Variants in HS6ST3 observed in about 807,000 individuals in gnomAD.
HS6ST3 encodes the protein heparan sulfate 6-O-sulfotransferase 3, also known as heparan-sulfate 6-O-sulfotransferase 3.
HS6ST3 carries 12 observed loss-of-function variants against 36.7 expected under a neutral mutation model. That is an observed-to-expected ratio of 0.33 (90% confidence interval 0.21 to 0.53). The LOEUF (loss-of-function observed/expected upper bound fraction) is 0.53. HS6ST3 is among the 20% of genes least tolerant of loss of function. The probability of loss-of-function intolerance (pLI) is 0.95; values close to 1 mark genes in which losing one functional copy is unlikely to be tolerated. For synonymous variants in HS6ST3, 240 were observed against 257.5 expected (o/e 0.93, Z 0.65); for missense variants, 584 against 640.9 (o/e 0.91, Z 0.96).
At chr13:96,537,678 T>C (rs1272323476) in intron 1 of HS6ST3, among the ~76,000 whole-genome samples, 4 of 152,234 alleles carry the variant, frequency 2.6e-5, no homozygotes, top group African/African-American at 7.2e-5. Flanking sequence ...TATTCTCAGT[T>C]AAATGTTAAA....
intron 1 of HS6ST3, among the ~76,000 whole-genome samples, chr13:96,762,793 T>A (rs1156596449): frequency 6.6e-6 from 1 of 152,232 alleles, no homozygotes; most frequent in African/African-American, 2.4e-5. Flanking sequence ...GTCACTGACT[T>A]TAGATAATTA....
intron 1 of HS6ST3, among the ~76,000 whole-genome samples, chr13:96,142,707 T>C (rs1374025454): frequency 6.6e-6 from 1 of 152,152 alleles, no homozygotes; most frequent in Non-Finnish European, 1.5e-5. Flanking sequence ...TTTAGAAATG[T>C]GGTAAACATA....
intron 1 of HS6ST3, among the ~76,000 whole-genome samples, chr13:96,151,613 A>T (rs899392767): frequency 6.6e-6 from 1 of 152,226 alleles, no homozygotes; most frequent in African/African-American, 2.4e-5. Context: ...ACAAAGTGCT[A>T]CACATTGGGT....
At chr13:96,247,958 A>G (rs967210390) in intron 1 of HS6ST3, among the ~76,000 whole-genome samples, 3 of 152,298 alleles carry the variant, frequency 2.0e-5, no homozygotes, top group South Asian at 2.1e-4. Context: ...TGTCAACTCT[A>G]TAACAGTAAT....
At chr13:96,607,928 C>T (rs1180743302) in intron 1 of HS6ST3, among the ~76,000 whole-genome samples, 1 of 152,112 alleles carries the variant, frequency 6.6e-6, no homozygotes, top group Non-Finnish European at 1.5e-5. Flanking sequence ...ACTGAAAAAG[C>T]CCAGAAACTC....
At chr13:96,408,525 G>A (rs961277832) in intron 1 of HS6ST3, among the ~76,000 whole-genome samples, 21 of 152,160 alleles carry the variant, frequency 1.4e-4, no homozygotes, top group African/African-American at 4.1e-4. Context: ...GTGTTTGCCA[G>A]GAATACAAAG....
At chr13:96,138,436 GTTTATAAA>G (rs2054013616) in intron 1 of HS6ST3, among the ~76,000 whole-genome samples, 2 of 115,598 alleles carry the variant, frequency 1.7e-5, no homozygotes, top group Non-Finnish European at 3.7e-5. Flanking sequence ...TATATTTACA[GTTTATAAA>G]TATATAGTTT....
In HS6ST3 at chr13:96,121,427, T is replaced by G. The variant is rs2053924916; in HGVS notation, c.707+29858T>G. Among the ~76,000 whole-genome samples, 2 of 152,214 alleles carry G rather than the reference T, an allele frequency of 1.3e-5. 1 individual carries two copies. Among genetic ancestry groups the G allele is most frequent in the South Asian group, 4.1e-4 (2 of 4,836 alleles). ...CGCTATCTGCAGAAGAGGCATACAC[T>G]TATTGCTATTATTCATTTACAACAT... On this transcript the variant is annotated intron_variant, in intron 1 of 1. Transcript: ENST00000376705.
At chr13:96,503,944 C>CT (rs2056015794) in intron 1 of HS6ST3, among the ~76,000 whole-genome samples, 2 of 152,046 alleles carry the variant, frequency 1.3e-5, no homozygotes, top group African/African-American at 4.8e-5. Flanking sequence ...AGATAGTTGC[C>CT]TTTTTGTTGT....
chr13:96,367,224 T>C (rs1783554681), intron 1 of HS6ST3, among the ~76,000 whole-genome samples: 2 of 152,228 alleles, frequency 1.3e-5, no homozygotes, highest in South Asian at 4.1e-4. Flanking sequence ...GGAAAGCTGA[T>C]ATAAGACACA....
intron 1 of HS6ST3, among the ~76,000 whole-genome samples, chr13:96,595,660 T>G (rs144038934): frequency 6.6e-6 from 1 of 152,110 alleles, no homozygotes; most frequent in African/African-American, 2.4e-5. Flanking sequence ...TCTTACATTC[T>G]TATGACTTGA....
intron 1 of HS6ST3, among the ~76,000 whole-genome samples, chr13:96,374,039 C>G (rs895826094): frequency 2.0e-5 from 3 of 152,066 alleles, no homozygotes; most frequent in African/African-American, 7.2e-5. Context: ...GTTTCTTGCC[C>G]CCAAAGCGAT....
intron 1 of HS6ST3, among the ~76,000 whole-genome samples, chr13:96,381,394 G>GTATCTATCTATCTATC (rs1263272767): frequency 2.5e-4 from 13 of 52,440 alleles, no homozygotes; most frequent in African/African-American, 6.4e-4. Context: ...ATGTATCTAT[G>GTATCTATCTATCTATC]TATCTATGTA....
intron 1 of HS6ST3, among the ~76,000 whole-genome samples, chr13:96,812,055 G>A (rs1878326362): frequency 6.6e-6 from 1 of 151,830 alleles, no homozygotes; most frequent in Non-Finnish European, 1.5e-5. Context: ...TCCTATTCAA[G>A]GTCACCTTTG....
chr13:96,770,671 G>A (rs535846857), intron 1 of HS6ST3, among the ~76,000 whole-genome samples: 72 of 152,332 alleles, frequency 4.7e-4, no homozygotes, highest in African/African-American at 1.5e-3. Flanking sequence ...ATTAGAGATT[G>A]ACTAATTATT....
intron 1 of HS6ST3, among the ~76,000 whole-genome samples, chr13:96,336,523 G>A (rs564931710): frequency 2.8e-4 from 43 of 152,264 alleles, no homozygotes; most frequent in Middle Eastern, 3.4e-3. Context: ...GTCCATATTA[G>A]AGGAGGTGAT....
chr13:96,458,083 G>T (rs1185874666), intron 1 of HS6ST3, among the ~76,000 whole-genome samples: 1 of 152,058 alleles, frequency 6.6e-6, no homozygotes, highest in Non-Finnish European at 1.5e-5. Context: ...CTACTAACCT[G>T]TAGTATCTTT....
chr13:96,520,754 G>T (rs889625444), intron 1 of HS6ST3, among the ~76,000 whole-genome samples: 1 of 152,162 alleles, frequency 6.6e-6, no homozygotes, highest in Non-Finnish European at 1.5e-5. Context: ...GGGCTGAGAC[G>T]ATGGGGTTTT....
At chr13:96,143,563 G>T (rs893513318) in intron 1 of HS6ST3, among the ~76,000 whole-genome samples, 1 of 151,588 alleles carries the variant, frequency 6.6e-6, no homozygotes, top group Non-Finnish European at 1.5e-5. Context: ...TTAAAGTGAG[G>T]AGATGTCTAA....
Sources: gnomAD v4.1 joint callset for allele counts (sites outside exome capture counted in the v4.1 genomes callset) on GRCh38, gnomAD v4.1.1 for gene constraint, MANE v1.5 for transcripts, NCBI Gene and HGNC (gene_info 2026-07-23, HGNC 2026-07-21) for gene names.